Variants in ALDH8A1 observed in about 807,000 individuals in gnomAD.
ALDH8A1 encodes the protein aldehyde dehydrogenase 8 family member A1.
In ALDH8A1, 39 loss-of-function variants were observed where a neutral mutation model predicts 43.3. The observed-to-expected ratio is 0.90, with a 90% CI of 0.70 to 1.18. The LOEUF is 1.18. Among genes scored for constraint, ALDH8A1 ranks in the 50% most tolerant of loss-of-function variants. The probability of loss-of-function intolerance (pLI) is 0.00; values close to 1 mark genes in which losing one functional copy is unlikely to be tolerated. For synonymous variants in ALDH8A1, 233 were observed against 243.5 expected, an observed-to-expected ratio of 0.96 and a Z score of 0.40; for missense variants, 605 against 622.6, an observed-to-expected ratio of 0.97 and a Z score of 0.30.
chr6:134,923,395 TC>T (rs1409375196), intron 6 of ALDH8A1, among the ~76,000 whole-genome samples: 1 of 152,092 alleles, frequency 6.6e-6, no homozygotes, highest in Non-Finnish European at 1.5e-5. Flanking sequence ...GGTAAAAATA[TC>T]TAGGGGTTTT....
intron 6 of ALDH8A1, among the ~76,000 whole-genome samples, chr6:134,923,089 G>A: frequency 6.6e-6 from 1 of 152,150 alleles, no homozygotes; most frequent in East Asian, 1.9e-4. Context: ...TCAGTGGCGT[G>A]ATCTCAGCTC....
rs80051793 is a variant in ALDH8A1, at chr6:134,947,434, G to C, written c.138+2482C>G. On this transcript the variant is annotated intron_variant, in intron 1 of 6. Transcript: ENST00000265605. ...ACAACAGAAGAAACAGCAGAGTTAA[G>C]AGGCAACCTACAGAATGGGAGAAAA... is the stretch of plus-strand genomic sequence containing the variant. Among the ~76,000 whole-genome samples, 730 of 152,192 alleles carry C rather than the reference G, an allele frequency of 4.8e-3. 7 individuals are homozygous for C. The highest frequency in any genetic ancestry group is 0.017 in the African/African-American group (700 of 41,544).
chr6:134,935,172 T>C (rs1359244430), intron 4 of ALDH8A1, among the ~76,000 whole-genome samples: 1 of 152,208 alleles, frequency 6.6e-6, no homozygotes. Context: ...CCTTTCCAAA[T>C]GCATGAACCT....
chr6:134,922,256 A>G (rs1027626264), intron 6 of ALDH8A1, among the ~76,000 whole-genome samples: 1 of 152,238 alleles, frequency 6.6e-6, no homozygotes, highest in Non-Finnish European at 1.5e-5. Flanking sequence ...AAAACAAGGC[A>G]AGCCACATAG....
chr6:134,920,924 C>G (rs1408430243), intron 6 of ALDH8A1, among the ~76,000 whole-genome samples: 6 of 152,210 alleles, frequency 3.9e-5, no homozygotes, highest in Non-Finnish European at 8.8e-5. Context: ...CACCCATTTA[C>G]TAGCTGAGGG....
intron 6 of ALDH8A1, among the ~76,000 whole-genome samples, chr6:134,928,153 C>T (rs1157157508): frequency 3.9e-5 from 6 of 152,162 alleles, no homozygotes; most frequent in African/African-American, 7.2e-5. Flanking sequence ...TGACCTACCG[C>T]GAGATTATTT....
intron 6 of ALDH8A1, among the ~76,000 whole-genome samples, chr6:134,926,885 C>T (rs567184455): frequency 5.3e-5 from 8 of 152,024 alleles, no homozygotes; most frequent in Non-Finnish European, 1.0e-4. Flanking sequence ...TTCTTGGATG[C>T]CATTGGACCA....
In ALDH8A1 at chr6:134,942,401, G is replaced by A. The variant is rs775259675; in HGVS notation, c.442+8C>T. ...CCGGGAGGTGGGCTCTCACTGAACAGCACTCACCGACTCCCACCGGGGCCC... is the reference window on the plus strand; with the variant it reads ...CCGGGAGGTGGGCTCTCACTGAACAACACTCACCGACTCCCACCGGGGCCC... On this transcript the variant is annotated splice_region_variant and intron_variant, in intron 3 of 6. Coordinates refer to ENST00000265605, the MANE Select transcript of ALDH8A1 (RefSeq NM_022568.4). 2 of 1,603,864 alleles carry A rather than the reference G, an allele frequency of 1.2e-6. No individual in the cohort carries two copies. Among genetic ancestry groups the A allele is most frequent in the East Asian group, 2.2e-5 (1 of 44,646 alleles).
intron 2 of ALDH8A1, 101 bp downstream of exon 2, chr6:134,943,718 G>C: frequency 1.3e-6 from 2 of 1,501,020 alleles, no homozygotes; most frequent in African/African-American, 2.8e-5. Context: ...ACTATTGCCA[G>C]AGGAGCAGGC....
chr6:134,946,798 G>A (rs866495153), intron 1 of ALDH8A1, among the ~76,000 whole-genome samples: 26 of 150,188 alleles, frequency 1.7e-4, no homozygotes, highest in Middle Eastern at 3.4e-3. Context: ...GCACAGGTGC[G>A]CATGTGTGCG....
In ALDH8A1 at chr6:134,939,358, G is replaced by A; in HGVS notation, c.500C>T (p.Pro167Leu). 1 of 1,614,212 alleles carries A rather than the reference G, an allele frequency of 6.2e-7. No homozygotes were observed. Among genetic ancestry groups the A allele is most frequent in the Non-Finnish European group, 8.5e-7 (1 of 1,180,030 alleles). Reference protein sequence around the residue: ...PLYLLTWKIAPAMAAGNTVIA... With the variant: ...PLYLLTWKIALAMAAGNTVIA... Reference sequence around the variant, plus strand: ...CACAGTGTTCCCTGCAGCCATCGCTGGAGCTATCTTCCAGGTCAGCAAGTA... The same window carrying A: ...CACAGTGTTCCCTGCAGCCATCGCTAGAGCTATCTTCCAGGTCAGCAAGTA... The change falls in exon 4 of 7, where the codon CCA becomes CTA. Residue 167 changes from proline (P) to leucine (L), a missense_variant. Pro to Leu is a moderately conservative substitution (Grantham distance 98). Coordinates refer to ENST00000265605, the MANE Select transcript of ALDH8A1 (RefSeq NM_022568.4).
rs1297171245 is a variant in ALDH8A1 at position 134,918,691 on chromosome 6, C to T, written c.1188G>A (p.Val396=). The T allele has an allele frequency of 1.2e-6, 2 of 1,614,084 alleles. No homozygotes were observed. The highest frequency in any genetic ancestry group is 1.7e-6 in the Non-Finnish European group (2 of 1,180,040). ...CACTATCAAAGGGGACGACACACGT[C>T]ACTGGACCAAATATCTCTTCCGTCA... ...CCMTEEIFGP[V]TCVVPFDSEE... The change falls in exon 7 of 7, where the codon GTG becomes GTA. Residue 396 remains valine (V), a synonymous_variant. Coordinates refer to ENST00000265605, the MANE Select transcript of ALDH8A1 (RefSeq NM_022568.4).
chr6:134,936,109 C>T (rs932393881), intron 4 of ALDH8A1, among the ~76,000 whole-genome samples: 14 of 152,186 alleles, frequency 9.2e-5, no homozygotes, highest in African/African-American at 3.4e-4. Flanking sequence ...TTGCCATCAT[C>T]CCCAGCTAGT....
At chr6:134,933,103 C>A in intron 4 of ALDH8A1, 71 bp from the exon 5 acceptor site, 1 of 1,448,982 alleles carries the variant, frequency 6.9e-7, no homozygotes, top group South Asian at 1.5e-5. Context: ...TGGAAATTCT[C>A]CTTTAAAGTC....
At chr6:134,919,486 C>T (rs1040429468) in intron 6 of ALDH8A1, among the ~76,000 whole-genome samples, 1 of 152,014 alleles carries the variant, frequency 6.6e-6, no homozygotes, top group Non-Finnish European at 1.5e-5. Flanking sequence ...TTTTAGCTAA[C>T]TATAATGGGA....
At chr6:134,926,560 GC>G (rs1487149992) in intron 6 of ALDH8A1, among the ~76,000 whole-genome samples, 17 of 151,680 alleles carry the variant, frequency 1.1e-4, no homozygotes, top group Non-Finnish European at 2.9e-5. Context: ...TGTAATCCCA[GC>G]ACTTTGGGAG....
intron 1 of ALDH8A1, among the ~76,000 whole-genome samples, chr6:134,948,488 C>A (rs1251464755): frequency 1.3e-5 from 2 of 151,864 alleles, no homozygotes; most frequent in Non-Finnish European, 2.9e-5. Context: ...TCACATATGC[C>A]CATAAAGATG....
intron 3 of ALDH8A1, among the ~76,000 whole-genome samples, chr6:134,941,890 T>C (rs1012249909): frequency 1.3e-5 from 2 of 152,100 alleles, no homozygotes; most frequent in Non-Finnish European, 2.9e-5. Context: ...TATTTACTCT[T>C]AGCATCATTC....
chr6:134,928,640 G>A (rs917527817), intron 6 of ALDH8A1, among the ~76,000 whole-genome samples: 3 of 152,210 alleles, frequency 2.0e-5, no homozygotes, highest in African/African-American at 7.2e-5. Flanking sequence ...GTCCCCCACT[G>A]ACTAAGGACG....
Sources: gnomAD v4.1 joint callset for allele counts (sites outside exome capture counted in the v4.1 genomes callset) on GRCh38, gnomAD v4.1.1 for gene constraint, MANE v1.5 for transcripts, NCBI Gene and HGNC (gene_info 2026-07-23, HGNC 2026-07-21) for gene names.